ALMS1: variants seen among roughly 807,000 people sequenced by gnomAD.
ALMS1 encodes the protein ALMS1 centrosome and basal body associated protein.
In ALMS1, 271 loss-of-function variants were observed where a neutral mutation model predicts 352.2. That is an observed-to-expected ratio of 0.77 (90% CI 0.70 to 0.85). The LOEUF is 0.85. Ranked by LOEUF, ALMS1 falls within the 40% of genes least tolerant of loss-of-function variation. The pLI, the probability that ALMS1 is intolerant of heterozygous loss-of-function variation, is 0.00. For missense variants in ALMS1, 5,445 were observed against 4,870.7 expected (o/e 1.12, Z -3.51); for synonymous variants, 1,865 against 1,761.2 (o/e 1.06, Z -1.48).
chr2:73,487,503 G>A (rs1166569906), intron 9 of ALMS1, among the ~76,000 whole-genome samples: 2 of 152,180 alleles, frequency 1.3e-5, no homozygotes, highest in Non-Finnish European at 2.9e-5. Flanking sequence ...CCCAAAGAGG[G>A]TGTCATAGTC....
At chr2:73,591,993 T>A (rs140214994) in intron 16 of ALMS1, among the ~76,000 whole-genome samples, 1 of 152,340 alleles carries the variant, frequency 6.6e-6, no homozygotes, top group East Asian at 1.9e-4. Flanking sequence ...AATTTTATTA[T>A]CCCATTAGAG....
upstream of ALMS1, chr2:73,385,771 T>C: frequency 1.7e-6 from 1 of 582,158 alleles, no homozygotes; most frequent in Non-Finnish European, 3.0e-6. Flanking sequence ...CGGGCGGCAC[T>C]GCGCCTAAGC....
chr2:73,499,095 T>C (rs1487542453), intron 10 of ALMS1, among the ~76,000 whole-genome samples: 1 of 152,224 alleles, frequency 6.6e-6, no homozygotes, highest in Non-Finnish European at 1.5e-5. Context: ...CTCCACGTCT[T>C]CACCAGCATT....
chr2:73,463,719 A>G (rs1199949542), intron 9 of ALMS1, among the ~76,000 whole-genome samples: 2 of 137,580 alleles, frequency 1.5e-5, no homozygotes, highest in Non-Finnish European at 3.1e-5. Context: ...AAAGAAAAAA[A>G]GAGAGAAGAA....
chr2:73,413,547 C>T (rs1671121309), intron 2 of ALMS1, among the ~76,000 whole-genome samples: 1 of 152,078 alleles, frequency 6.6e-6, no homozygotes, highest in African/African-American at 2.4e-5. Flanking sequence ...CACTAGATAC[C>T]AGTAATAGTC....
intron 9 of ALMS1, among the ~76,000 whole-genome samples, chr2:73,484,104 G>A (rs1672772185): frequency 6.6e-6 from 1 of 151,798 alleles, no homozygotes; most frequent in South Asian, 2.1e-4. Context: ...GTGTGAATTT[G>A]ATCCTGTCAT....
chr2:73,426,694 A>T, intron 6 of ALMS1, 141 bp downstream of exon 6: 1 of 826,138 alleles, frequency 1.2e-6, no homozygotes, highest in Non-Finnish European at 2.0e-6. Context: ...GAGTACATTG[A>T]GCTAGCAGCT....
intron 10 of ALMS1, among the ~76,000 whole-genome samples, chr2:73,510,063 C>G (rs1465709993): frequency 6.6e-6 from 1 of 152,106 alleles, no homozygotes; most frequent in African/African-American, 2.4e-5. Context: ...TTTTTCAGCT[C>G]CAGCAGGTCA....
chr2:73,463,990 G>C (rs1672267322), intron 9 of ALMS1, among the ~76,000 whole-genome samples: 1 of 152,090 alleles, frequency 6.6e-6, no homozygotes, highest in African/African-American at 2.4e-5. Flanking sequence ...GGTCCAGATG[G>C]AATCACACTG....
At chr2:73,406,960 G>A (rs780496066) in intron 1 of ALMS1, among the ~76,000 whole-genome samples, 2 of 152,070 alleles carry the variant, frequency 1.3e-5, no homozygotes, top group African/African-American at 2.4e-5. Flanking sequence ...CATTTTACTG[G>A]TGTCACAAGT....
At chr2:73,412,382 T>C (rs1384756860) in intron 2 of ALMS1, among the ~76,000 whole-genome samples, 1 of 152,258 alleles carries the variant, frequency 6.6e-6, no homozygotes, top group East Asian at 1.9e-4. Context: ...TTTTGAGATT[T>C]ATCCATGTTG....
intron 11 of ALMS1, among the ~76,000 whole-genome samples, chr2:73,522,613 C>T (rs746121101): frequency 5.9e-5 from 9 of 151,794 alleles, no homozygotes; most frequent in East Asian, 1.9e-4. Flanking sequence ...GGACTACAGG[C>T]GCGCACCACC....
chr2:73,561,851 C>G (rs1674670295), intron 15 of ALMS1, among the ~76,000 whole-genome samples: 1 of 151,618 alleles, frequency 6.6e-6, no homozygotes, highest in Non-Finnish European at 1.5e-5. Context: ...AAAGCATACT[C>G]TAGAAGATAA....
chr2:73,608,839 A>C (rs989398379), intron 22 of ALMS1, among the ~76,000 whole-genome samples: 2 of 152,240 alleles, frequency 1.3e-5, no homozygotes, highest in African/African-American at 4.8e-5. Context: ...ACAGGAGTTC[A>C]TTGACATATC....
At chr2:73,589,237 T>C (rs1276186767) in intron 16 of ALMS1, among the ~76,000 whole-genome samples, 1 of 151,956 alleles carries the variant, frequency 6.6e-6, no homozygotes, top group African/African-American at 2.4e-5. Flanking sequence ...AGTTATAAGC[T>C]TAGAAGGTGA....
In ALMS1 at chr2:73,408,607, G is replaced by T; in HGVS notation, c.325-15G>T. 6.2e-7 allele frequency: 1 copy of T among 1,611,362 alleles called. No individual in the cohort carries two copies. Among genetic ancestry groups the T allele is most frequent in the East Asian group, 2.2e-5 (1 of 44,740 alleles). Reference sequence around the variant, plus strand: ...TTGTGTTATTACTCTATTTAAGCCTGCTTTTGATTTTCAGATTGTTCCATT... The same window carrying T: ...TTGTGTTATTACTCTATTTAAGCCTTCTTTTGATTTTCAGATTGTTCCATT... On this transcript the variant is annotated splice_polypyrimidine_tract_variant and intron_variant, in intron 1 of 22. Transcript: ENST00000613296.
intron 6 of ALMS1, 34 bp downstream of exon 6, chr2:73,426,587 G>T (rs527264512): frequency 3.1e-6 from 5 of 1,598,996 alleles, no homozygotes; most frequent in Admixed American, 1.7e-5. Flanking sequence ...TGTAAGAAAC[G>T]TGGCCTTTTT....
intron 13 of ALMS1, among the ~76,000 whole-genome samples, chr2:73,554,236 A>G (rs954800626): frequency 1.3e-5 from 2 of 152,154 alleles, no homozygotes; most frequent in African/African-American, 4.8e-5. Context: ...CAGGACAAAA[A>G]AAAAAAAATT....
chr2:73,397,486 A>T (rs1413125177), intron 1 of ALMS1, among the ~76,000 whole-genome samples: 4 of 149,844 alleles, frequency 2.7e-5, no homozygotes, highest in Admixed American at 2.7e-4. Context: ...TTTGTTTTTG[A>T]GATGGTGTTT....
Sources: gnomAD v4.1 joint callset for allele counts (sites outside exome capture counted in the v4.1 genomes callset) on GRCh38, gnomAD v4.1.1 for gene constraint, MANE v1.5 for transcripts, NCBI Gene and HGNC (gene_info 2026-07-23, HGNC 2026-07-21) for gene names.